Variants in DIO1 observed in about 807,000 individuals in gnomAD.
The protein encoded by DIO1 is type I iodothyronine deiodinase.
Under a neutral mutation model 25.9 loss-of-function variants are expected in DIO1, and 17 were observed. That is an observed-to-expected ratio of 0.66 (90% CI 0.45 to 0.98). The LOEUF (loss-of-function observed/expected upper bound fraction) is 0.98, where lower values mean the gene tolerates loss of function less well. Among genes scored for constraint, DIO1 ranks in the 50% least tolerant of loss-of-function variants. The pLI is 0.00. For synonymous variants in DIO1, 115 were observed against 114.0 expected (o/e 1.01, Z -0.05); for missense variants, 270 against 310.4 (o/e 0.87, Z 0.98).
intron 1 of DIO1, among the ~76,000 whole-genome samples, chr1:53,900,674 AAC>A (rs1651311882): frequency 6.6e-6 from 1 of 152,180 alleles, no homozygotes; most frequent in South Asian, 2.1e-4. Context: ...TTCTTTGCAG[AAC>A]ACAGAGGGGG....
intron 1 of DIO1, among the ~76,000 whole-genome samples, chr1:53,900,982 CTTT>C (rs71063891): frequency 1.4e-5 from 1 of 72,084 alleles, no homozygotes; most frequent in African/African-American, 5.6e-5. Flanking sequence ...GGCCAGCTAA[CTTT>C]TTTTTTTTTT....
At position 53,894,522 on chromosome 1, in the gene DIO1, G is replaced by T; in HGVS notation, c.312G>T (p.Arg104Ser). 2 of 1,614,046 alleles carry T rather than the reference G, an allele frequency of 1.2e-6. No individual in the cohort carries two copies. Among genetic ancestry groups the T allele is most frequent in the Non-Finnish European group, 1.7e-6 (2 of 1,179,964 alleles). Reference sequence around the variant, plus strand: ...CGGTGGTCCGCCTCTCAGGACAGAGGTGCAACATTTGGGAGTTTATGCAAG... The same window carrying T: ...CGGTGGTCCGCCTCTCAGGACAGAGTTGCAACATTTGGGAGTTTATGCAAG... ...NCPVVRLSGQ[R>S]CNIWEFMQGN... is the part of the protein sequence containing the mutation. Residue 104 changes from arginine (R) to serine (S), a missense_variant, in exon 1 of 4, where the codon AGG becomes AGT. By Grantham distance (110) the Arg-to-Ser change is moderately radical. Coordinates refer to ENST00000361921, the MANE Select transcript of DIO1 (RefSeq NM_000792.7). The surrounding 1 kb of genome is among the most constrained non-coding windows in gnomAD (Gnocchi z 4.9).
At chr1:53,898,688 T>A (rs1254461633) in intron 1 of DIO1, among the ~76,000 whole-genome samples, 1 of 144,150 alleles carries the variant, frequency 6.9e-6, no homozygotes, top group Non-Finnish European at 1.5e-5. Flanking sequence ...GAGTTTGTAG[T>A]GAGCTGAGAT....
Position 53,894,262 on chromosome 1 carries a change from G to A in DIO1, c.52G>A (p.Glu18Lys). 4 of 1,614,240 alleles carry A rather than the reference G, an allele frequency of 2.5e-6. No individual in the cohort carries two copies. Among genetic ancestry groups the A allele is most frequent in the Non-Finnish European group, 3.4e-6 (4 of 1,180,044 alleles). ...GCTGAAGAGGCTCTGGGTGCTCTTGGAGGTGGCTGTGCATGTGGTCGTGGG... is the reference window on the plus strand; with the variant it reads ...GCTGAAGAGGCTCTGGGTGCTCTTGAAGGTGGCTGTGCATGTGGTCGTGGG... ...LWLKRLWVLL[E>K]VAVHVVVGKV... The change falls in exon 1 of 4, where the codon GAG (glutamate) becomes AAG (lysine). Residue 18 changes from glutamate to lysine, a missense_variant. Transcript: ENST00000361921. This position sits in a 1 kb window ranked among gnomAD's most constrained non-coding sequence, Gnocchi z 4.9.
intron 1 of DIO1, 111 bp from the exon 2 acceptor site, chr1:53,904,555 G>C: frequency 2.1e-5 from 29 of 1,358,968 alleles, no homozygotes; most frequent in Non-Finnish European, 2.9e-5. Context: ...ATCCTGGGGT[G>C]GGGGGTAGGG....
chr1:53,898,640 G>T (rs1478064767), intron 1 of DIO1, among the ~76,000 whole-genome samples: 1 of 151,618 alleles, frequency 6.6e-6, no homozygotes, highest in East Asian at 1.9e-4. Context: ...AGCTCCTTGG[G>T]AGGCTGAGGC....
chr1:53,901,572 C>A (rs902242375), intron 1 of DIO1, among the ~76,000 whole-genome samples: 1 of 152,172 alleles, frequency 6.6e-6, no homozygotes. Context: ...ATTAGCCCAG[C>A]TGGGGTCACT....
At chr1:53,903,115 T>A (rs1349304086) in intron 1 of DIO1, 1 of 151,900 alleles carries the variant, frequency 6.6e-6, no homozygotes, top group Non-Finnish European at 1.5e-5. Flanking sequence ...AGAGTGGGCC[T>A]GGATACAGAC....
chr1:53,905,719 T>C (rs1651619758), intron 2 of DIO1, among the ~76,000 whole-genome samples: 1 of 152,192 alleles, frequency 6.6e-6, no homozygotes, highest in Non-Finnish European at 1.5e-5. Context: ...CCTCTCCAAG[T>C]ATGGTCTAGG....
At position 53,894,528 on chromosome 1, in the gene DIO1, C is replaced by T; in HGVS notation, c.318C>T (p.Asn106=). 1 of 1,613,860 alleles carries T rather than the reference C, an allele frequency of 6.2e-7. No individual in the cohort carries two copies. The highest frequency in any genetic ancestry group is 8.5e-7 in the Non-Finnish European group (1 of 1,179,854). Reference sequence around the variant, plus strand: ...TCCGCCTCTCAGGACAGAGGTGCAACATTTGGGAGTTTATGCAAGGTCAGG... The same window carrying T: ...TCCGCCTCTCAGGACAGAGGTGCAATATTTGGGAGTTTATGCAAGGTCAGG... ...PVVRLSGQRC[N]IWEFMQGNRP... Residue 106 remains asparagine (N), a synonymous_variant, in exon 1 of 4, where the codon AAC becomes AAT. Transcript: ENST00000361921. This position sits in a 1 kb window ranked among gnomAD's most constrained non-coding sequence, Gnocchi z 4.9.
Position 53,906,183 on chromosome 1 carries a change from G to A in DIO1, c.570G>A (p.Arg190=), listed in dbSNP as rs1651645748. 1 of 1,614,178 alleles carries A rather than the reference G, an allele frequency of 6.2e-7. No individual in the cohort carries two copies. Among genetic ancestry groups the A allele is most frequent in the Non-Finnish European group, 8.5e-7 (1 of 1,180,028 alleles). Residue 190 remains arginine, a synonymous_variant, in exon 3 of 4, where the codon AGG becomes AGA. Transcript: ENST00000361921. ...AGGCAGCCCATCTACTGCTGGCCAG[G>A]AGCCCCCAGTGCCCTGTGGTGGTGG... is the stretch of plus-strand genomic sequence containing the variant. ...RLQAAHLLLA[R]SPQCPVVVDT...
chr1:53,908,466 T>G (rs192188873), intron 3 of DIO1, among the ~76,000 whole-genome samples: 156 of 152,286 alleles, frequency 1.0e-3, no homozygotes, highest in African/African-American at 3.7e-3. Context: ...GCAGACGACA[T>G]GCAAATGAAA....
intron 1 of DIO1, among the ~76,000 whole-genome samples, chr1:53,901,185 T>G (rs1319573549): frequency 6.6e-6 from 1 of 151,924 alleles, no homozygotes; most frequent in East Asian, 1.9e-4. Flanking sequence ...TCCCTCACTT[T>G]CATTTTCACT....
rs183955244 is a variant in DIO1, at chr1:53,901,679, A to G, written c.338-2987A>G. 1.7e-3 allele frequency among the ~76,000 whole-genome samples: 264 copies of G among 152,256 alleles called. 1 individual carries two copies. The highest frequency in any genetic ancestry group is 6.2e-3 in the African/African-American group (257 of 41,552). ...CACTGTTTCATAAATAGAATACAAA[A>G]TAGGGAATTCTAAGTAGGAAGGAGA... On this transcript the variant is annotated intron_variant, in intron 1 of 3. Coordinates refer to ENST00000361921, the MANE Select transcript of DIO1 (RefSeq NM_000792.7).
At chr1:53,904,578 A>T in intron 1 of DIO1, 88 bp from the exon 2 acceptor site, 1 of 1,507,752 alleles carries the variant, frequency 6.6e-7, no homozygotes, top group Non-Finnish European at 9.0e-7. Context: ...AAATAAAAAT[A>T]ACAGAATTGA....
Position 53,911,049 on chromosome 1 carries a change from G to C in DIO1, c.*1050G>C, listed in dbSNP as rs1205202342. On this transcript the variant is annotated 3_prime_UTR_variant, in exon 4 of 4. Coordinates refer to ENST00000361921, the MANE Select transcript of DIO1 (RefSeq NM_000792.7). ...TCAAAAGAAAATGTTATAAGATGCA[G>C]TAAACTAATAACAGAATTATTAAAA... 6.6e-6 allele frequency: 1 copy of C among 152,660 alleles called. No homozygotes were observed. The highest frequency in any genetic ancestry group is 1.5e-5 in the Non-Finnish European group (1 of 68,036). The allele number at this position is 152,660 out of a possible 1,614,324, so 9.5% of individuals were successfully genotyped here.
At chr1:53,898,701 C>T (rs1159654398) in intron 1 of DIO1, among the ~76,000 whole-genome samples, 3 of 147,230 alleles carry the variant, frequency 2.0e-5, no homozygotes, top group African/African-American at 5.1e-5. Flanking sequence ...GCTGAGATTG[C>T]GCCACTGCAC....
intron 1 of DIO1, among the ~76,000 whole-genome samples, chr1:53,898,601 C>T (rs993107161): frequency 3.3e-5 from 5 of 151,880 alleles, no homozygotes; most frequent in African/African-American, 7.3e-5. Context: ...AAAAATTAGC[C>T]GGGCATCGTG....
At chr1:53,904,550 G>T in intron 1 of DIO1, 116 bp from the exon 2 acceptor site, 1 of 1,325,976 alleles carries the variant, frequency 7.5e-7, no homozygotes, top group Non-Finnish European at 1.0e-6. Flanking sequence ...GACCCATCCT[G>T]GGGTGGGGGG....
Sources: allele counts gnomAD v4.1 joint callset (sites outside exome capture counted in the v4.1 genomes callset), GRCh38; gene constraint gnomAD v4.1.1; non-coding constraint Gnocchi (gnomAD v3.1); transcripts MANE v1.5; gene names NCBI Gene and HGNC (gene_info 2026-07-23, HGNC 2026-07-21).